The following ZNF431 variants were observed in gnomAD, a reference collection of about 807,000 sequenced individuals.
ZNF431 encodes the protein zinc finger protein 431.
In ZNF431, 34 loss-of-function variants were observed where a neutral mutation model predicts 57.0. That is an observed-to-expected ratio of 0.60 (90% CI 0.45 to 0.79). The LOEUF (loss-of-function observed/expected upper bound fraction) is 0.79. ZNF431 is among the 30% of genes least tolerant of loss of function. The pLI is 0.00. For missense variants in ZNF431, 607 were observed against 667.1 expected (o/e 0.91, Z 0.99); for synonymous variants, 207 against 220.3 (o/e 0.94, Z 0.54).
At position 21,183,557 on chromosome 19, in the gene ZNF431, T is replaced by G. The variant is rs1416074896; in HGVS notation, c.1254T>G (p.His418Gln). Residue 418 changes from histidine (H) to glutamine (Q), a missense_variant, in exon 5 of 5, where the codon CAT becomes CAG. Physicochemically the swap from His to Gln is conservative, Grantham distance 24. Transcript: ENST00000311048. ...AFNESSNLTTHKMIHTGEKPY... is the reference protein window; with the variant it reads ...AFNESSNLTTQKMIHTGEKPY... ...ATGAGTCCTCAAACCTTACTACACA[T>G]AAGATGATTCATACTGGAGAGAAAC... is the stretch of plus-strand genomic sequence containing the variant. 1.5e-5 allele frequency: 24 copies of G among 1,613,318 alleles called. No individual in the cohort carries two copies. The highest frequency in any genetic ancestry group is 2.0e-5 in the Non-Finnish European group (24 of 1,179,912).
rs1021966228 is a variant in ZNF431 at position 21,192,080 on chromosome 19, A to C, written c.*8046A>C. ...GTTATTGTAGATGTAATTGTTTTTG[A>C]ATTTCATTTTGGGATAGTTATTAAT... is the stretch of plus-strand genomic sequence containing the variant. On this transcript the variant is annotated 3_prime_UTR_variant, in exon 5 of 5. Coordinates refer to ENST00000311048, the MANE Select transcript of ZNF431 (RefSeq NM_133473.4). 6.6e-6 allele frequency: 1 copy of C among 152,102 alleles called. No individual in the cohort carries two copies. The highest frequency in any genetic ancestry group is 1.5e-5 in the Non-Finnish European group (1 of 68,008). The allele number at this position is 152,102 out of a possible 1,614,324, so 9.4% of individuals were successfully genotyped here.
Position 21,190,556 on chromosome 19 carries a change from TTGGC to T in ZNF431, c.*6524_*6527del, listed in dbSNP as rs1461227765. The T allele has an allele frequency of 7.2e-5, 11 of 152,180 alleles. No individual in the cohort carries two copies. The highest frequency in any genetic ancestry group is 2.7e-4 in the African/African-American group (11 of 41,448). 9.4% of individuals were successfully genotyped at this position (152,180 alleles called of 1,614,324 possible). A position where few individuals can be genotyped will look rare whatever the true frequency, so the allele number is the denominator to read the frequency against. On this transcript the variant is annotated 3_prime_UTR_variant, in exon 5 of 5. Coordinates refer to ENST00000311048, the MANE Select transcript of ZNF431 (RefSeq NM_133473.4). ...ATGAGTTGATATAGGGATTTTTTTT[TTGGC>T]TTGTCTTTTTGTGATAATAGTCAAC...
intron 2 of ZNF431, among the ~76,000 whole-genome samples, chr19:21,154,814 C>A (rs1294252534): frequency 1.3e-5 from 2 of 152,104 alleles, no homozygotes; most frequent in Non-Finnish European, 2.9e-5. Flanking sequence ...TGCATAAATG[C>A]CTTCTTTTGA....
intron 2 of ZNF431, among the ~76,000 whole-genome samples, chr19:21,147,003 C>T (rs1253177724): frequency 6.6e-6 from 1 of 152,126 alleles, no homozygotes; most frequent in African/African-American, 2.4e-5. Flanking sequence ...TTTTCTTGAC[C>T]CTGAAACAAA....
Position 21,187,297 on chromosome 19 carries a change from A to G in ZNF431, c.*3263A>G, listed in dbSNP as rs1971396584. 6.6e-6 allele frequency: 1 copy of G among 152,076 alleles called. No homozygotes were observed. The highest frequency in any genetic ancestry group is 1.5e-5 in the Non-Finnish European group (1 of 68,030). 9.4% of individuals were successfully genotyped at this position (152,076 alleles called of 1,614,324 possible). A position where few individuals can be genotyped will look rare whatever the true frequency, so the allele number is the denominator to read the frequency against. On this transcript the variant is annotated 3_prime_UTR_variant, in exon 5 of 5. Transcript: ENST00000311048. ...CTCTACTAAAACTACAAAAATAGCC[A>G]GGCATGGTGGTGGGTGCCTGTAATC... is the stretch of plus-strand genomic sequence containing the variant.
In ZNF431 at chr19:21,183,758, A is replaced by G; in HGVS notation, c.1455A>G (p.Lys485=). 6.2e-7 allele frequency: 1 copy of G among 1,613,976 alleles called. No homozygotes were observed. The highest frequency in any genetic ancestry group is 1.6e-4 in the Middle Eastern group (1 of 6,062). The change falls in exon 5 of 5, where the codon AAA becomes AAG. Residue 485 remains lysine (K), a synonymous_variant. Coordinates refer to ENST00000311048, the MANE Select transcript of ZNF431 (RefSeq NM_133473.4). Reference sequence around the variant, plus strand: ...TTCACACTGGAGAGAAACCCTACAAATGTGAAGAATGTGGCAAAGCTTTTA... The same window carrying G: ...TTCACACTGGAGAGAAACCCTACAAGTGTGAAGAATGTGGCAAAGCTTTTA... ...KRIHTGEKPY[K]CEECGKAFNR...
chr19:21,169,078 A>AT (rs1187104223), intron 4 of ZNF431, among the ~76,000 whole-genome samples: 2 of 150,694 alleles, frequency 1.3e-5, no homozygotes, highest in Non-Finnish European at 3.0e-5. Context: ...GCCCAGCTAA[A>AT]TTTTTTTTTG....
chr19:21,160,270 GC>G (rs1367535636), intron 2 of ZNF431, among the ~76,000 whole-genome samples: 1 of 152,078 alleles, frequency 6.6e-6, no homozygotes, highest in Non-Finnish European at 1.5e-5. Flanking sequence ...GGCTTTTTAA[GC>G]TTTTTAGATC....
intron 2 of ZNF431, among the ~76,000 whole-genome samples, chr19:21,145,185 A>T (rs556669637): frequency 6.6e-6 from 1 of 152,296 alleles, no homozygotes; most frequent in South Asian, 2.1e-4. Context: ...AAAGGAGGTT[A>T]TGAAAGGCCC....
chr19:21,162,144 T>TTGTG (rs749424799), intron 2 of ZNF431, among the ~76,000 whole-genome samples: 1,372 of 66,064 alleles, frequency 0.021, 24 homozygotes, highest in South Asian at 0.093. Context: ...ATCCAGCTAA[T>TTGTG]TGTGTGTGTG....
At position 21,186,302 on chromosome 19, in the gene ZNF431, C is replaced by T. The variant is rs1971373500; in HGVS notation, c.*2268C>T. On this transcript the variant is annotated 3_prime_UTR_variant, in exon 5 of 5. Coordinates refer to ENST00000311048, the MANE Select transcript of ZNF431 (RefSeq NM_133473.4). ...CATCTCAAAAAGTAAAATATATTTT[C>T]AAATTTTCTATATATTTTTCTTTGA... is the stretch of plus-strand genomic sequence containing the variant. The T allele has an allele frequency of 6.6e-6, 1 of 152,120 alleles. No homozygotes were observed. Among genetic ancestry groups the T allele is most frequent in the Admixed American group, 6.6e-5 (1 of 15,258 alleles). 9.4% of individuals were successfully genotyped at this position (152,120 alleles called of 1,614,324 possible). A position where few individuals can be genotyped will look rare whatever the true frequency, so the allele number is the denominator to read the frequency against.
In ZNF431 at chr19:21,187,433, TAAAAAAAAAAAA is replaced by T; in HGVS notation, c.*3410_*3421del. ...CTGGGCGACAGAGCGAGACTCCATA[TAAAAAAAAAAAA>T]AAAAAAAAAAGAGCTGGGCGTGGTG... On this transcript the variant is annotated 3_prime_UTR_variant, in exon 5 of 5. Coordinates refer to ENST00000311048, the MANE Select transcript of ZNF431 (RefSeq NM_133473.4). 2.4e-5 allele frequency: 1 copy of T among 41,070 alleles called. No individual in the cohort carries two copies. Among genetic ancestry groups the T allele is most frequent in the South Asian group, 7.3e-4 (1 of 1,378 alleles). 2.5% of individuals were successfully genotyped at this position (41,070 alleles called of 1,614,324 possible).
rs200535679 is a variant in ZNF431 at position 21,157,300 on chromosome 19, G to C, written c.97-9035G>C. Among the ~76,000 whole-genome samples, 30 of 152,086 alleles carry C rather than the reference G, an allele frequency of 2.0e-4. No individual in the cohort carries two copies. The East Asian group carries it at 5.6e-3, about 29-fold the overall frequency. On this transcript the variant is annotated intron_variant, in intron 2 of 4. Coordinates refer to ENST00000311048, the MANE Select transcript of ZNF431 (RefSeq NM_133473.4). ...CTGCAGGCATGTGCCATCACGCCCGGCTAATTTTTGTATTTTTAGTAGAGA... is the reference window on the plus strand; with the variant it reads ...CTGCAGGCATGTGCCATCACGCCCGCCTAATTTTTGTATTTTTAGTAGAGA...
chr19:21,167,722 A>C, intron 4 of ZNF431, 56 bp downstream of exon 4: 3 of 1,260,458 alleles, frequency 2.4e-6, no homozygotes, highest in Non-Finnish European at 3.2e-6. Context: ...AAGCTTAAAA[A>C]AAAAAAATGT....
rs367649212 is a variant in ZNF431, at chr19:21,180,369, C to T, written c.320-2254C>T. On this transcript the variant is annotated intron_variant, in intron 4 of 4. Transcript: ENST00000311048. ...TTTCAGGAGCTCTAGCAAGGCAGGC[C>T]TGGTGGTGATGTGCTCCCTCAGCAT... 2.8e-4 allele frequency among the ~76,000 whole-genome samples: 43 copies of T among 152,238 alleles called. 1 individual carries two copies. In the Middle Eastern group the frequency reaches 0.01, roughly 36 times the overall value.
intron 3 of ZNF431, 124 bp from the exon 4 acceptor site, chr19:21,167,447 C>A: frequency 1.6e-6 from 1 of 638,138 alleles, no homozygotes; most frequent in Non-Finnish European, 2.2e-6. Context: ...GTGTGAGCAA[C>A]TGCGCCCAGC....
intron 4 of ZNF431, among the ~76,000 whole-genome samples, chr19:21,179,824 T>A (rs1030561592): frequency 6.6e-6 from 1 of 152,138 alleles, no homozygotes; most frequent in African/African-American, 2.4e-5. Context: ...CCTCCCAAAG[T>A]GCTGGGATTA....
intron 2 of ZNF431, among the ~76,000 whole-genome samples, chr19:21,164,777 A>G (rs1970671804): frequency 6.6e-6 from 1 of 151,790 alleles, no homozygotes; most frequent in African/African-American, 2.4e-5. Flanking sequence ...TGTTTCAGGT[A>G]CTTTAAAAAA....
rs138710743 is a variant in ZNF431 at position 21,155,609 on chromosome 19, C to T, written c.97-10726C>T. 4.1e-3 allele frequency among the ~76,000 whole-genome samples: 628 copies of T among 152,084 alleles called. 4 individuals carry two copies. The highest frequency in any genetic ancestry group is 0.014 in the African/African-American group (581 of 41,494). ...GGCATTGAATCTATAAATTACCTTG[C>T]GGAGTCCCCAATTTTTAAACAGTAG... is the stretch of plus-strand genomic sequence containing the variant. On this transcript the variant is annotated intron_variant, in intron 2 of 4. Coordinates refer to ENST00000311048, the MANE Select transcript of ZNF431 (RefSeq NM_133473.4).
Sources: allele counts gnomAD v4.1 joint callset (sites outside exome capture counted in the v4.1 genomes callset), GRCh38; gene constraint gnomAD v4.1.1; transcripts MANE v1.5; gene names NCBI Gene and HGNC (gene_info 2026-07-23, HGNC 2026-07-21).